The following EPS8 variants were observed in gnomAD, a reference collection of about 807,000 sequenced individuals.
The protein encoded by EPS8 is EGFR pathway substrate 8, signaling adaptor, also known as epidermal growth factor receptor kinase substrate 8.
Under a neutral mutation model 103.8 loss-of-function variants are expected in EPS8, and 42 were observed. That is an observed-to-expected ratio of 0.40 (90% CI 0.32 to 0.52). EPS8 has a LOEUF of 0.52. EPS8 is among the 20% of genes least tolerant of loss of function. The pLI, the probability that EPS8 is intolerant of heterozygous loss-of-function variation, is 0.40. For synonymous variants in EPS8, 344 were observed against 344.6 expected (o/e 1.00, Z 0.02); for missense variants, 969 against 1,005.1 (o/e 0.96, Z 0.49).
At chr12:15,687,183 T>C (rs1002228087) in intron 1 of EPS8, among the ~76,000 whole-genome samples, 3 of 152,170 alleles carry the variant, frequency 2.0e-5, no homozygotes, top group African/African-American at 7.2e-5. Context: ...CAATGTCTTC[T>C]AGAGCAATCA....
At chr12:15,621,493 G>C (rs1944861716) in intron 20 of EPS8, 63 bp from the exon 21 acceptor site, 2 of 859,062 alleles carry the variant, frequency 2.3e-6, no homozygotes, top group African/African-American at 3.6e-5. Flanking sequence ...GTCATATCAT[G>C]AAATGGCTCA....
At chr12:15,687,142 C>A (rs1210558494) in intron 1 of EPS8, among the ~76,000 whole-genome samples, 1 of 151,956 alleles carries the variant, frequency 6.6e-6, no homozygotes, top group Admixed American at 6.6e-5. Context: ...CTTCTTTAAA[C>A]CTCTTAAATC....
intron 17 of EPS8, among the ~76,000 whole-genome samples, chr12:15,635,886 C>T (rs977909607): frequency 6.6e-6 from 1 of 152,008 alleles, no homozygotes; most frequent in African/African-American, 2.4e-5. Flanking sequence ...GTTGAATTCA[C>T]GTGACCACAG....
chr12:15,674,546 A>G (rs1195351453), intron 3 of EPS8, among the ~76,000 whole-genome samples: 1 of 152,230 alleles, frequency 6.6e-6, no homozygotes, highest in Non-Finnish European at 1.5e-5. Flanking sequence ...ACAGCTTGAC[A>G]AATGAGTATC....
intron 13 of EPS8, among the ~76,000 whole-genome samples, chr12:15,652,846 A>C (rs1199538655): frequency 1.3e-5 from 2 of 152,180 alleles, no homozygotes; most frequent in African/African-American, 4.8e-5. Context: ...TGGAGAAAAA[A>C]AATTATGAAT....
In EPS8 at chr12:15,688,861, A is replaced by G. The variant is rs1946133343; in HGVS notation, c.-21-5889T>C. ...TTGAGCTGGTTAACACAAGCTGTCT[A>G]TAGACAGCAAAACTAAAAGAGCACC... On this transcript the variant is annotated intron_variant, in intron 1 of 20. Coordinates refer to ENST00000281172, the MANE Select transcript of EPS8 (RefSeq NM_004447.6). This position sits in a 1 kb window ranked among gnomAD's most constrained non-coding sequence, Gnocchi z 5.1. Among the ~76,000 whole-genome samples the G allele has an allele frequency of 2.0e-5, 3 of 152,334 alleles. No individual in the cohort carries two copies. Among genetic ancestry groups the G allele is most frequent in the South Asian group, 4.1e-4 (2 of 4,834 alleles).
chr12:15,653,493 C>T (rs1424277015), intron 13 of EPS8, among the ~76,000 whole-genome samples: 1 of 152,160 alleles, frequency 6.6e-6, no homozygotes, highest in East Asian at 1.9e-4. Flanking sequence ...AGAAACACAT[C>T]TTCATCCTTT....
chr12:15,674,520 T>C (rs1288126112), intron 3 of EPS8, among the ~76,000 whole-genome samples: 1 of 152,148 alleles, frequency 6.6e-6, no homozygotes, highest in Admixed American at 6.5e-5. Flanking sequence ...GCTCTCAATA[T>C]CAGGCAACTA....
chr12:15,682,530 C>T (rs1261002650), intron 2 of EPS8, among the ~76,000 whole-genome samples: 1 of 152,128 alleles, frequency 6.6e-6, no homozygotes, highest in Admixed American at 6.6e-5. Context: ...TTTAACCCTT[C>T]TCAAATGCCA....
chr12:15,736,898 A>G lies in EPS8; in HGVS notation c.-22+52263T>C, dbSNP rs1181939081. Among the ~76,000 whole-genome samples, 2 of 152,200 alleles carry G rather than the reference A, an allele frequency of 1.3e-5. No individual in the cohort carries two copies. The highest frequency in any genetic ancestry group is 4.8e-5 in the African/African-American group (2 of 41,454). ...TGCTTATGAAGGATGGGATGTGCTC[A>G]ATGCTTATAAGAAAAATTATCCTAA... is the stretch of plus-strand genomic sequence containing the variant. On this transcript the variant is annotated intron_variant, in intron 1 of 20. Coordinates refer to ENST00000281172, the MANE Select transcript of EPS8 (RefSeq NM_004447.6). The surrounding 1 kb of genome is among the most constrained non-coding windows in gnomAD (Gnocchi z 4.2).
At chr12:15,640,888 A>G in intron 16 of EPS8, 42 bp from the exon 17 acceptor site, 1 of 1,590,594 alleles carries the variant, frequency 6.3e-7, no homozygotes, top group Non-Finnish European at 8.5e-7. Flanking sequence ...TCCATATAAA[A>G]GCCATTCTAC....
rs1024768503 is a variant in EPS8 at position 15,769,577 on chromosome 12, C to G, written c.-22+19584G>C. Among the ~76,000 whole-genome samples, 4 of 152,010 alleles carry G rather than the reference C, an allele frequency of 2.6e-5. No individual in the cohort carries two copies. Among genetic ancestry groups the G allele is most frequent in the Non-Finnish European group, 5.9e-5 (4 of 67,996 alleles). ...AAATATCTTGAGTATATCTGGAAAG[C>G]AAAACATTTAAGATGTTAAGATATA... On this transcript the variant is annotated intron_variant, in intron 1 of 20. Transcript: ENST00000281172. The surrounding 1 kb of genome is among the most constrained non-coding windows in gnomAD (Gnocchi z 4.6).
Position 15,725,312 on chromosome 12 carries a change from G to A in EPS8, c.-21-42340C>T, listed in dbSNP as rs950298089. Among the ~76,000 whole-genome samples, 7 of 151,894 alleles carry A rather than the reference G, an allele frequency of 4.6e-5. No individual in the cohort carries two copies. The East Asian group carries it at 7.8e-4, about 17-fold the overall frequency. Reference sequence around the variant, plus strand: ...CTGAAATCACCCTCAAGAGATCTCCGGAAAAGTCATGTAGCTGGTTGCAGT... The same window carrying A: ...CTGAAATCACCCTCAAGAGATCTCCAGAAAAGTCATGTAGCTGGTTGCAGT... On this transcript the variant is annotated intron_variant, in intron 1 of 20. Coordinates refer to ENST00000281172, the MANE Select transcript of EPS8 (RefSeq NM_004447.6). The surrounding 1 kb of genome is among the most constrained non-coding windows in gnomAD (Gnocchi z 4.5).
intron 1 of EPS8, among the ~76,000 whole-genome samples, chr12:15,743,341 G>A (rs1460134559): frequency 3.3e-5 from 5 of 152,118 alleles, no homozygotes; most frequent in Admixed American, 3.3e-4. Context: ...TACTGCCCAA[G>A]GTAATTTATA....
At chr12:15,681,139 G>T (rs1945997885) in intron 3 of EPS8, 87 bp downstream of exon 3, 5 of 529,998 alleles carry the variant, frequency 9.4e-6, no homozygotes, top group African/African-American at 2.0e-5. Context: ...AATATTAAAT[G>T]TGTGGGTTCA....
intron 16 of EPS8, 39 bp from the exon 17 acceptor site, chr12:15,640,885 A>G (rs1250970156): frequency 6.3e-7 from 1 of 1,594,216 alleles, no homozygotes; most frequent in East Asian, 2.2e-5. Context: ...ATTTCCATAT[A>G]AAAGCCATTC....
At position 15,660,599 on chromosome 12, in the gene EPS8, G is replaced by A; in HGVS notation, c.937+15C>T. ...ATCTAACCAGGCATTAGAAGATTAAGAAAATCCAACTTACCTCCTGGTCCT... is the reference window on the plus strand; with the variant it reads ...ATCTAACCAGGCATTAGAAGATTAAAAAAATCCAACTTACCTCCTGGTCCT... On this transcript the variant is annotated intron_variant, in intron 10 of 20. Coordinates refer to ENST00000281172, the MANE Select transcript of EPS8 (RefSeq NM_004447.6). 1 of 1,268,248 alleles carries A rather than the reference G, an allele frequency of 7.9e-7. No homozygotes were observed. Among genetic ancestry groups the A allele is most frequent in the Non-Finnish European group, 1.2e-6 (1 of 864,860 alleles). The allele number at this position is 1,268,248 out of a possible 1,614,324, so 78.6% of individuals were successfully genotyped here. A position where few individuals can be genotyped will look rare whatever the true frequency, so the allele number is the denominator to read the frequency against.
At chr12:15,660,991 TTATTATTTTCAATTACTC>T (rs1342361508) in intron 9 of EPS8, among the ~76,000 whole-genome samples, 1 of 152,220 alleles carries the variant, frequency 6.6e-6, no homozygotes, top group African/African-American at 2.4e-5. Flanking sequence ...TCTGCTCAGA[TTATTATTTTCAATTACTC>T]TAATTTTCTC....
chr12:15,638,128 G>C (rs1591809012), intron 17 of EPS8, among the ~76,000 whole-genome samples: 1 of 151,984 alleles, frequency 6.6e-6, no homozygotes, highest in South Asian at 2.1e-4. Context: ...TGGGTATCTG[G>C]TGTTGTAGAG....
Sources: allele counts gnomAD v4.1 joint callset (sites outside exome capture counted in the v4.1 genomes callset), GRCh38; gene constraint gnomAD v4.1.1; non-coding constraint Gnocchi (gnomAD v3.1); transcripts MANE v1.5; gene names NCBI Gene and HGNC (gene_info 2026-07-23, HGNC 2026-07-21).